CPB2: variants seen among roughly 807,000 people sequenced by gnomAD.
The protein encoded by CPB2 is carboxypeptidase B-like protein.
CPB2 carries 54 observed loss-of-function variants against 57.0 expected under a neutral mutation model. The ratio of observed to expected loss-of-function variants is 0.95; its 90% CI spans 0.76 to 1.19. The LOEUF is 1.19. CPB2 is among the 50% of genes most tolerant of loss of function. The pLI is 0.00. For synonymous variants in CPB2, 189 were observed against 178.1 expected (o/e 1.06, Z -0.49); for missense variants, 426 against 512.0 (o/e 0.83, Z 1.62).
chr13:46,102,727 A>C (rs2139431307), intron 1 of CPB2, among the ~76,000 whole-genome samples: 1 of 152,176 alleles, frequency 6.6e-6, no homozygotes, highest in South Asian at 2.1e-4. Context: ...GGAGCACAGA[A>C]ACATTTGGTA....
At chr13:46,064,793 G>A (rs1186170202) in intron 7 of CPB2, 52 bp from the exon 8 acceptor site, 1 of 1,426,674 alleles carries the variant, frequency 7.0e-7, no homozygotes. Context: ...TTCAAGGCCT[G>A]AGGAAAGACA....
At chr13:46,068,225 AGTTTATAATT>A (rs1352152227) in intron 6 of CPB2, among the ~76,000 whole-genome samples, 2 of 152,228 alleles carry the variant, frequency 1.3e-5, no homozygotes, top group Non-Finnish European at 2.9e-5. Flanking sequence ...TATTTAATTT[AGTTTATAATT>A]GTTTGTTGCC....
intron 2 of CPB2, among the ~76,000 whole-genome samples, chr13:46,085,701 T>C (rs920473373): frequency 2.0e-5 from 3 of 152,184 alleles, no homozygotes; most frequent in Non-Finnish European, 4.4e-5. Context: ...CATCGCTTGC[T>C]CCTCCAGTCT....
chr13:46,068,582 G>A (rs1394681123), intron 6 of CPB2, among the ~76,000 whole-genome samples: 8 of 152,082 alleles, frequency 5.3e-5, no homozygotes, highest in Non-Finnish European at 8.8e-5. Flanking sequence ...TGGGATACAT[G>A]TGCAGAACAT....
At chr13:46,093,901 CA>C (rs1210586719) in intron 1 of CPB2, among the ~76,000 whole-genome samples, 40 of 152,270 alleles carry the variant, frequency 2.6e-4, no homozygotes, top group Admixed American at 1.6e-3. Flanking sequence ...AAAGGATGAT[CA>C]CAAACATGTT....
Position 46,087,813 on chromosome 13 carries a change from C to T in CPB2, c.82G>A (p.Val28Ile), listed in dbSNP as rs199765229. 1 of 1,607,928 alleles carries T rather than the reference C, an allele frequency of 6.2e-7. No homozygotes were observed. The highest frequency in any genetic ancestry group is 2.2e-5 in the East Asian group (1 of 44,824). The change falls in exon 2 of 11, where the codon GTT (valine) becomes ATT (isoleucine). Residue 28 changes from valine to isoleucine, a missense_variant. Transcript: ENST00000181383. ...QHVFAFQSGQ[V>I]LAALPRTSRQ... ...GAGGTTCTAGGAAGAGCAGCTAGAA[C>T]TTGGCCACTGGGGAAAAAAATAAAA...
intron 10 of CPB2, among the ~76,000 whole-genome samples, chr13:46,054,234 ATATT>A (rs2044651136): frequency 6.6e-6 from 1 of 152,190 alleles, no homozygotes. Flanking sequence ...TTTGTTTGGC[ATATT>A]TATTGGCTAT....
intron 6 of CPB2, among the ~76,000 whole-genome samples, chr13:46,070,167 A>T (rs1469704404): frequency 6.6e-6 from 1 of 152,214 alleles, no homozygotes; most frequent in Non-Finnish European, 1.5e-5. Context: ...ATATTCAGCA[A>T]TTTATTATAA....
chr13:46,057,858 C>T (rs772293800), intron 9 of CPB2, among the ~76,000 whole-genome samples: 7 of 152,238 alleles, frequency 4.6e-5, no homozygotes, highest in Non-Finnish European at 8.8e-5. Flanking sequence ...TGATTCCATA[C>T]TCATCCTTGC....
intron 4 of CPB2, among the ~76,000 whole-genome samples, chr13:46,079,261 T>A (rs1043298074): frequency 1.3e-5 from 2 of 152,146 alleles, no homozygotes; most frequent in African/African-American, 2.4e-5. Context: ...CACTTTTATA[T>A]GAGACTTTTT....
At chr13:46,058,121 A>G in intron 9 of CPB2, 58 bp downstream of exon 9, 4 of 1,508,556 alleles carry the variant, frequency 2.7e-6, no homozygotes, top group Non-Finnish European at 3.6e-6. Context: ...TGATTCTTCA[A>G]CTAAGTATTA....
At chr13:46,081,025 G>A (rs1358819714) in intron 4 of CPB2, among the ~76,000 whole-genome samples, 1 of 149,690 alleles carries the variant, frequency 6.7e-6, no homozygotes, top group South Asian at 2.1e-4. Context: ...AACGCTGTGA[G>A]ATGGCAACTA....
At chr13:46,065,570 T>C (rs1332113261) in intron 7 of CPB2, among the ~76,000 whole-genome samples, 2 of 133,292 alleles carry the variant, frequency 1.5e-5, no homozygotes, top group African/African-American at 2.9e-5. Flanking sequence ...GAGCTTGCAG[T>C]GAGCCGAGAT....
At chr13:46,089,759 G>T (rs574760408) in intron 1 of CPB2, among the ~76,000 whole-genome samples, 39 of 152,098 alleles carry the variant, frequency 2.6e-4, no homozygotes, top group African/African-American at 8.0e-4. Context: ...TAGCGGGAAG[G>T]TTCTGTCTAT....
intron 7 of CPB2, among the ~76,000 whole-genome samples, chr13:46,066,838 C>A (rs1338579098): frequency 1.1e-4 from 13 of 122,100 alleles, no homozygotes; most frequent in Admixed American, 1.0e-3. Flanking sequence ...GAGCAAGACA[C>A]CATCTCAAAA....
chr13:46,092,004 A>C (rs928209310), intron 1 of CPB2, among the ~76,000 whole-genome samples: 19 of 152,336 alleles, frequency 1.2e-4, no homozygotes, highest in Non-Finnish European at 2.4e-4. Flanking sequence ...AAAATTAAGC[A>C]TGTTGGTGGC....
chr13:46,061,759 A>C (rs1593884107), intron 8 of CPB2, among the ~76,000 whole-genome samples: 1 of 152,018 alleles, frequency 6.6e-6, no homozygotes, highest in African/African-American at 2.4e-5. Context: ...CCTACAACCT[A>C]CCCTCCACTC....
chr13:46,083,255 G>A (rs2045148156), intron 3 of CPB2, among the ~76,000 whole-genome samples: 1 of 152,056 alleles, frequency 6.6e-6, no homozygotes, highest in Non-Finnish European at 1.5e-5. Context: ...TCCTAACTCT[G>A]CCATGTTCTT....
chr13:46,075,807 T>C (rs1300978400), intron 5 of CPB2, among the ~76,000 whole-genome samples: 3 of 151,990 alleles, frequency 2.0e-5, no homozygotes, highest in African/African-American at 7.3e-5. Flanking sequence ...TTTCCAGAGC[T>C]TTAAAAAAAA....
Sources: gnomAD v4.1 joint callset for allele counts (sites outside exome capture counted in the v4.1 genomes callset) on GRCh38, gnomAD v4.1.1 for gene constraint, MANE v1.5 for transcripts, NCBI Gene and HGNC (gene_info 2026-07-23, HGNC 2026-07-21) for gene names.